Variants in PTPRM observed in about 807,000 individuals in gnomAD.
The protein encoded by PTPRM is protein tyrosine phosphatase receptor type M.
A neutral mutation model predicts 186.7 loss-of-function variants in PTPRM; 47 were observed. The observed-to-expected ratio is 0.25, with a 90% CI of 0.20 to 0.32. PTPRM has a LOEUF of 0.32. Ranked by LOEUF, PTPRM falls within the 10% of genes least tolerant of loss-of-function variation. PTPRM has a pLI of 1.00. For missense variants in PTPRM, 1,494 were observed against 1,865.0 expected, an observed-to-expected ratio of 0.80 and a Z score of 3.66; for synonymous variants, 668 against 674.9, an observed-to-expected ratio of 0.99 and a Z score of 0.16.
chr18:7,592,378 G>C (rs960792770), intron 1 of PTPRM, among the ~76,000 whole-genome samples: 1 of 152,198 alleles, frequency 6.6e-6, no homozygotes, highest in African/African-American at 2.4e-5. Context: ...TTTGGGAGCT[G>C]TAACTCATCA....
intron 23 of PTPRM, among the ~76,000 whole-genome samples, chr18:8,352,652 G>GTTTTTT (rs142090056): frequency 4.9e-5 from 5 of 102,218 alleles, no homozygotes; most frequent in South Asian, 3.4e-4. Context: ...TTTTTGGTTT[G>GTTTTTT]GTTTTTTTTG....
Position 7,571,680 on chromosome 18 carries a change from T to A in PTPRM, c.73+3789T>A, listed in dbSNP as rs113493064. On this transcript the variant is annotated intron_variant, in intron 1 of 32. Transcript: ENST00000580170. ...GGGACTCGTGGAGAAATTAATTTTT[T>A]AAAATATTTTAAGGATGTTTGTGGG... 3.0e-3 allele frequency among the ~76,000 whole-genome samples: 461 copies of A among 152,326 alleles called. 4 individuals carry two copies. The highest frequency in any genetic ancestry group is 0.011 in the African/African-American group (440 of 41,574).
At chr18:7,967,925 G>A (rs907679752) in intron 7 of PTPRM, among the ~76,000 whole-genome samples, 1 of 99,000 alleles carries the variant, frequency 1.0e-5, no homozygotes, top group African/African-American at 5.5e-5. Context: ...AGCAAGGCAG[G>A]CCAACGTTCA....
chr18:8,333,064 A>G (rs2095420401), intron 22 of PTPRM, among the ~76,000 whole-genome samples: 3 of 152,216 alleles, frequency 2.0e-5, no homozygotes, highest in Admixed American at 6.5e-5. Flanking sequence ...TTTCCCCATC[A>G]TAGAACAATT....
intron 1 of PTPRM, among the ~76,000 whole-genome samples, chr18:7,725,395 G>A (rs1304176202): frequency 6.6e-6 from 1 of 152,116 alleles, no homozygotes; most frequent in East Asian, 1.9e-4. Context: ...ATAGGGACAG[G>A]AGGCAGGGAA....
chr18:8,284,698 C>T (rs1212831624), intron 19 of PTPRM, among the ~76,000 whole-genome samples: 3 of 152,068 alleles, frequency 2.0e-5, no homozygotes, highest in East Asian at 1.9e-4. Context: ...CAGTGAGTTA[C>T]GATTGCACCA....
At chr18:8,184,342 G>T (rs78885309) in intron 14 of PTPRM, among the ~76,000 whole-genome samples, 1,913 of 152,258 alleles carry the variant, frequency 0.013, 40 homozygotes, top group African/African-American at 0.044. Context: ...TAAAAGGAAA[G>T]GGATGTGCTG....
chr18:8,280,253 T>C (rs1195271880), intron 19 of PTPRM, among the ~76,000 whole-genome samples: 8 of 152,100 alleles, frequency 5.3e-5, no homozygotes. Flanking sequence ...ACTCACCTTT[T>C]CTAAAAAGGA....
chr18:8,366,040 A>G (rs1182928670), intron 23 of PTPRM, among the ~76,000 whole-genome samples: 2 of 152,198 alleles, frequency 1.3e-5, no homozygotes, highest in African/African-American at 2.4e-5. Context: ...CCCAGAAATT[A>G]TGATTTAATT....
intron 1 of PTPRM, among the ~76,000 whole-genome samples, chr18:7,590,175 A>T (rs1209724169): frequency 6.6e-6 from 1 of 152,252 alleles, no homozygotes; most frequent in Non-Finnish European, 1.5e-5. Flanking sequence ...GACGAAGCAC[A>T]GGGAATGGAT....
chr18:8,206,307 T>G (rs1463387915), intron 14 of PTPRM, among the ~76,000 whole-genome samples: 1 of 150,770 alleles, frequency 6.6e-6, no homozygotes, highest in Non-Finnish European at 1.5e-5. Context: ...CAGGCTGGAG[T>G]GCAGTCGCGC....
intron 14 of PTPRM, among the ~76,000 whole-genome samples, chr18:8,191,086 G>A (rs1175175807): frequency 6.6e-6 from 1 of 152,208 alleles, no homozygotes; most frequent in Non-Finnish European, 1.5e-5. Flanking sequence ...TTGGAGGAAT[G>A]GGGATGGGCA....
At position 8,076,504 on chromosome 18, in the gene PTPRM, G is replaced by A; in HGVS notation, c.1491G>A (p.Glu497=). 6.2e-7 allele frequency: 1 copy of A among 1,610,366 alleles called. No individual in the cohort carries two copies. The highest frequency in any genetic ancestry group is 8.5e-7 in the Non-Finnish European group (1 of 1,177,424). Residue 497 remains glutamate (E), a synonymous_variant, in exon 9 of 33, where the codon GAG becomes GAA. Transcript: ENST00000580170. ...TESIQGSTFE[E]KIFLQWREPT... ...CCATACAAGGAAGTACCTTTGAAGA[G>A]AAGATATTTCTTCAGTGGAGAGAAC...
In PTPRM at chr18:8,085,658, C is replaced by T. The variant is rs138357903; in HGVS notation, c.1552-13C>T. On this transcript the variant is annotated splice_polypyrimidine_tract_variant and intron_variant, in intron 9 of 32. Transcript: ENST00000580170. ...TGCTCCAGATATTTTATCACTTTCTCATTCTTTTGCAGATCACCTACAAAG... is the reference window on the plus strand; with the variant it reads ...TGCTCCAGATATTTTATCACTTTCTTATTCTTTTGCAGATCACCTACAAAG... The T allele has an allele frequency of 5.7e-6, 9 of 1,573,768 alleles. No homozygotes were observed. The highest frequency in any genetic ancestry group is 1.7e-4 in the Middle Eastern group (1 of 5,976).
chr18:8,329,323 G>A (rs1254470819), intron 22 of PTPRM, among the ~76,000 whole-genome samples: 1 of 152,210 alleles, frequency 6.6e-6, no homozygotes, highest in South Asian at 2.1e-4. Context: ...AAGTTCAAGT[G>A]AGTCATATAT....
chr18:8,248,693 C>T (rs531610991), intron 17 of PTPRM, among the ~76,000 whole-genome samples: 20 of 152,278 alleles, frequency 1.3e-4, no homozygotes, highest in African/African-American at 3.6e-4. Context: ...TACCCATCCT[C>T]GGTGCCACTC....
intron 28 of PTPRM, 73 bp downstream of exon 28, chr18:8,379,413 C>A: frequency 7.2e-7 from 1 of 1,380,950 alleles, no homozygotes; most frequent in Non-Finnish European, 9.5e-7. Flanking sequence ...CTTGGGTCTT[C>A]CCCATTCTGC....
intron 7 of PTPRM, among the ~76,000 whole-genome samples, chr18:8,009,715 T>A (rs533384657): frequency 1.3e-5 from 2 of 152,070 alleles, no homozygotes; most frequent in South Asian, 2.1e-4. Context: ...CTCAAAAAAA[T>A]AAATAAATAA....
chr18:8,010,754 G>A (rs1383980102), intron 7 of PTPRM, among the ~76,000 whole-genome samples: 1 of 152,100 alleles, frequency 6.6e-6, no homozygotes, highest in African/African-American at 2.4e-5. Flanking sequence ...GAGGCTGAAG[G>A]TGTCTTTGAA....
Sources: allele counts gnomAD v4.1 joint callset (sites outside exome capture counted in the v4.1 genomes callset), GRCh38; gene constraint gnomAD v4.1.1; transcripts MANE v1.5; gene names NCBI Gene and HGNC (gene_info 2026-07-23, HGNC 2026-07-21).